Variants in ANKEF1 observed in about 807,000 individuals in gnomAD.
The protein encoded by ANKEF1 is ankyrin repeat and EF-hand domain-containing protein 1.
ANKEF1 carries 43 observed loss-of-function variants against 65.1 expected under a neutral mutation model. That is an observed-to-expected ratio of 0.66 (90% CI 0.52 to 0.85). The LOEUF is 0.85. Ranked by LOEUF, ANKEF1 falls within the 40% of genes least tolerant of loss-of-function variation. The pLI, the probability that ANKEF1 is intolerant of heterozygous loss-of-function variation, is 0.00. For missense variants in ANKEF1, 934 were observed against 952.9 expected, an observed-to-expected ratio of 0.98 and a Z score of 0.26; for synonymous variants, 316 against 341.5, an observed-to-expected ratio of 0.93 and a Z score of 0.82.
intron 10 of ANKEF1, 96 bp from the exon 11 acceptor site, chr20:10,055,406 A>C: frequency 8.8e-7 from 1 of 1,141,550 alleles, no homozygotes; most frequent in South Asian, 1.5e-5. Context: ...ACAAATTTTT[A>C]AGTTAAAACT....
At chr20:10,040,401 C>T (rs1006197785) in intron 3 of ANKEF1, among the ~76,000 whole-genome samples, 7 of 152,218 alleles carry the variant, frequency 4.6e-5, no homozygotes, top group Non-Finnish European at 8.8e-5. Flanking sequence ...ATTTAAATGG[C>T]TAAGTGGGTC....
chr20:10,053,028 A>T, intron 8 of ANKEF1, 84 bp from the exon 9 acceptor site: 1 of 1,398,280 alleles, frequency 7.2e-7, no homozygotes, highest in Non-Finnish European at 9.6e-7. Flanking sequence ...GCAGGCTTAG[A>T]GCTGATGTGC....
In ANKEF1 at chr20:10,049,847, A is replaced by T; in HGVS notation, c.1278A>T (p.Lys426Asn). Residue 426 changes from lysine to asparagine, a missense_variant, in exon 7 of 11, where the codon AAA becomes AAT. Lys to Asn is a moderately conservative substitution (Grantham distance 94). Coordinates refer to ENST00000378392, the MANE Select transcript of ANKEF1 (RefSeq NM_022096.6). ...AAGGGATGGGCAAAAAAGGAAAGAA[A>T]GGGAAATTTGTCTTACCCCTTCCAA... is the stretch of plus-strand genomic sequence containing the variant. ...KEKGMGKKGK[K>N]GKFVLPLPIC... 1.9e-6 allele frequency: 3 copies of T among 1,614,200 alleles called. No individual in the cohort carries two copies. Among genetic ancestry groups the T allele is most frequent in the Non-Finnish European group, 2.5e-6 (3 of 1,180,018 alleles).
rs376624713 is a variant in ANKEF1, at chr20:10,045,606, C to A, written c.729C>A (p.Asp243Glu). ...AGCTTCTTTTTGCCTACAATGGAGACGTGGGGCTGATTTCGATAAATGGGA... is the reference window on the plus strand; with the variant it reads ...AGCTTCTTTTTGCCTACAATGGAGAAGTGGGGCTGATTTCGATAAATGGGA... ...ILKLLFAYNG[D>E]VGLISINGNT... is the part of the protein sequence containing the mutation. Residue 243 changes from aspartate (D) to glutamate (E), a missense_variant, in exon 6 of 11, where the codon GAC (aspartate) becomes GAA (glutamate). Transcript: ENST00000378392. The A allele has an allele frequency of 1.2e-6, 2 of 1,613,458 alleles. No homozygotes were observed. The highest frequency in any genetic ancestry group is 1.7e-5 in the Admixed American group (1 of 59,972).
intron 10 of ANKEF1, 143 bp downstream of exon 10, chr20:10,054,742 C>A: frequency 1.2e-6 from 1 of 821,208 alleles, no homozygotes; most frequent in Non-Finnish European, 1.8e-6. Context: ...TTGCCAGGTT[C>A]TGGTACTTTC....
chr20:10,055,148 A>G (rs1409252532), intron 10 of ANKEF1, among the ~76,000 whole-genome samples: 1 of 152,210 alleles, frequency 6.6e-6, no homozygotes, highest in African/African-American at 2.4e-5. Context: ...TAAGACATAT[A>G]GGTAGTAAAC....
rs1424133846 is a variant in ANKEF1 at position 10,054,451 on chromosome 20, C to T, written c.2035-11C>T. On this transcript the variant is annotated splice_polypyrimidine_tract_variant and intron_variant, in intron 9 of 10. Transcript: ENST00000378392. The stretch of plus-strand genomic sequence containing the variant: ...TTTTACAATTTATAATTTTTTTGTT[C>T]TTGTTTCCAGGAACTGCTGTCATCA... The T allele has an allele frequency of 2.6e-6, 4 of 1,519,160 alleles. No individual in the cohort carries two copies. The highest frequency in any genetic ancestry group is 2.5e-5 in the Admixed American group (1 of 39,758). The allele number at this position is 1,519,160 out of a possible 1,614,324, so 94.1% of individuals were successfully genotyped here. A position where few individuals can be genotyped will look rare whatever the true frequency, so the allele number is the denominator to read the frequency against.
intron 8 of ANKEF1, among the ~76,000 whole-genome samples, chr20:10,052,416 G>C (rs1386282201): frequency 1.3e-5 from 2 of 152,112 alleles, no homozygotes; most frequent in Non-Finnish European, 2.9e-5. Flanking sequence ...AGCAATTCCT[G>C]AATTGAGGCT....
Position 10,049,481 on chromosome 20 carries a change from C to G in ANKEF1, c.912C>G (p.Arg304=). The change falls in exon 7 of 11, where the codon CGC becomes CGG. Residue 304 remains arginine (R), a synonymous_variant. Transcript: ENST00000378392. The stretch of plus-strand genomic sequence containing the variant: ...TCAAAGCAGCAAGCAAAGAAATACG[C>G]CGAGCAGAGAGAATCGCTAATAAAC... The part of the protein sequence containing the change: ...GGFKAASKEI[R]RAERIANKLA... 2 of 1,614,100 alleles carry G rather than the reference C, an allele frequency of 1.2e-6. No homozygotes were observed. The highest frequency in any genetic ancestry group is 1.7e-6 in the Non-Finnish European group (2 of 1,179,986).
chr20:10,044,093 ATC>A (rs1984363159), intron 4 of ANKEF1, among the ~76,000 whole-genome samples: 1 of 152,108 alleles, frequency 6.6e-6, no homozygotes, highest in Non-Finnish European at 1.5e-5. Context: ...TTGATATTTT[ATC>A]TCTCTTTCTC....
chr20:10,053,999 G>GGCT (rs1217645445), intron 9 of ANKEF1, among the ~76,000 whole-genome samples: 4 of 152,082 alleles, frequency 2.6e-5, no homozygotes, highest in African/African-American at 9.7e-5. Context: ...GGAGACTCTT[G>GGCT]GCTGACACAG....
rs149367110 is a variant in ANKEF1 at position 10,044,946 on chromosome 20, T to C, written c.696+403T>C. On this transcript the variant is annotated intron_variant, in intron 5 of 10. Transcript: ENST00000378392. ...TGTTTGTGTGTATTAGATAATGATA[T>C]ACCTGAATTTTAAACTCAAGTATTC... Among the ~76,000 whole-genome samples, 437 of 152,302 alleles carry C rather than the reference T, an allele frequency of 2.9e-3. 3 individuals are homozygous for C. The highest frequency in any genetic ancestry group is 9.9e-3 in the African/African-American group (412 of 41,562).
intron 6 of ANKEF1, among the ~76,000 whole-genome samples, chr20:10,047,249 G>T (rs1984569472): frequency 6.6e-6 from 1 of 152,192 alleles, no homozygotes; most frequent in Non-Finnish European, 1.5e-5. Flanking sequence ...ATGCAGAAAA[G>T]ATCCATTTTC....
At chr20:10,037,092 C>T (rs1166043186) in intron 2 of ANKEF1, among the ~76,000 whole-genome samples, 5 of 151,960 alleles carry the variant, frequency 3.3e-5, no homozygotes, top group East Asian at 1.9e-4. Flanking sequence ...AGCAGGCTTG[C>T]GATGGAGAAA....
At chr20:10,049,072 T>C (rs1156497977) in intron 6 of ANKEF1, among the ~76,000 whole-genome samples, 2 of 152,220 alleles carry the variant, frequency 1.3e-5, no homozygotes, top group Non-Finnish European at 2.9e-5. Context: ...GCTCTTTTCC[T>C]GTTGGCCTGA....
rs1985237136 is a variant in ANKEF1 at position 10,057,480 on chromosome 20, A to G, written c.*1820A>G. 2 of 152,196 alleles carry G rather than the reference A, an allele frequency of 1.3e-5. No homozygotes were observed. Among genetic ancestry groups the G allele is most frequent in the African/African-American group, 4.8e-5 (2 of 41,450 alleles). The allele number at this position is 152,196 out of a possible 1,614,324, so 9.4% of individuals were successfully genotyped here. Reference sequence around the variant, plus strand: ...AAGAATTCTTATATGCCCTTTACCCAGATTACCTAAATGTTAACCACTTAC... The same window carrying G: ...AAGAATTCTTATATGCCCTTTACCCGGATTACCTAAATGTTAACCACTTAC... On this transcript the variant is annotated 3_prime_UTR_variant, in exon 11 of 11. Coordinates refer to ENST00000378392, the MANE Select transcript of ANKEF1 (RefSeq NM_022096.6).
chr20:10,052,227 GT>G (rs1984903495), intron 8 of ANKEF1, among the ~76,000 whole-genome samples: 1 of 152,066 alleles, frequency 6.6e-6, no homozygotes, highest in African/African-American at 2.4e-5. Flanking sequence ...ATTATATTAA[GT>G]TGCTAAAAAC....
At chr20:10,053,827 G>A (rs1021376188) in intron 9 of ANKEF1, among the ~76,000 whole-genome samples, 28 of 152,114 alleles carry the variant, frequency 1.8e-4, no homozygotes, top group African/African-American at 3.4e-4. Context: ...GGTTTTCAAC[G>A]TTTCTGGTAA....
Position 10,051,747 on chromosome 20 carries a change from T to G in ANKEF1, c.1728T>G (p.Leu576=). ...CHAGQQDIVE[L]LVESGALIDA... ...CAGGCCAACAAGACATTGTTGAGCTTCTTGTTGAATCTGGAGCTTTAATAG... is the reference window on the plus strand; with the variant it reads ...CAGGCCAACAAGACATTGTTGAGCTGCTTGTTGAATCTGGAGCTTTAATAG... The change falls in exon 8 of 11, where the codon CTT becomes CTG. Residue 576 remains leucine, a synonymous_variant. Transcript: ENST00000378392. 6.2e-7 allele frequency: 1 copy of G among 1,613,900 alleles called. No individual in the cohort carries two copies. Among genetic ancestry groups the G allele is most frequent in the Non-Finnish European group, 8.5e-7 (1 of 1,179,868 alleles).
Sources: gnomAD v4.1 joint callset for allele counts (sites outside exome capture counted in the v4.1 genomes callset) on GRCh38, gnomAD v4.1.1 for gene constraint, MANE v1.5 for transcripts, NCBI Gene and HGNC (gene_info 2026-07-23, HGNC 2026-07-21) for gene names.